The following PRKACB variants were observed in gnomAD, a reference collection of about 807,000 sequenced individuals.
PRKACB encodes the protein protein kinase cAMP-activated catalytic subunit beta, also known as cAMP-dependent protein kinase catalytic subunit beta.
Under a neutral mutation model 51.4 loss-of-function variants are expected in PRKACB, and 16 were observed. The observed-to-expected ratio is 0.31, with a 90% confidence interval of 0.21 to 0.47. The LOEUF is 0.47. PRKACB is among the 20% of genes least tolerant of loss of function. PRKACB has a pLI of 1.00. For synonymous variants in PRKACB, 147 were observed against 154.4 expected, an observed-to-expected ratio of 0.95 and a Z score of 0.35; for missense variants, 309 against 464.5, an observed-to-expected ratio of 0.67 and a Z score of 3.08.
chr1:84,161,593 T>G (rs549629676), intron 1 of PRKACB, among the ~76,000 whole-genome samples: 1 of 151,948 alleles, frequency 6.6e-6, no homozygotes, highest in East Asian at 1.9e-4. Context: ...GTTTTGATTT[T>G]TAAAAATAAA....
chr1:84,171,221 G>C (rs1425646165), intron 1 of PRKACB, among the ~76,000 whole-genome samples: 1 of 151,386 alleles, frequency 6.6e-6, no homozygotes, highest in East Asian at 1.9e-4. Flanking sequence ...TTAGGAAAAA[G>C]AAAGACATTC....
intron 1 of PRKACB, among the ~76,000 whole-genome samples, chr1:84,178,190 A>G (rs909704043): frequency 6.6e-6 from 1 of 152,032 alleles, no homozygotes; most frequent in Non-Finnish European, 1.5e-5. Context: ...ATAGGTACCT[A>G]TCTCACTTCA....
At chr1:84,124,307 G>A (rs189133389) in intron 1 of PRKACB, among the ~76,000 whole-genome samples, 101 of 152,318 alleles carry the variant, frequency 6.6e-4, no homozygotes, top group African/African-American at 2.3e-3. Context: ...GTAGGAATTA[G>A]CTAGGAGAAA....
chr1:84,202,571 A>G, intron 7 of PRKACB, 112 bp from the exon 8 acceptor site: 6 of 1,125,300 alleles, frequency 5.3e-6, no homozygotes, highest in Non-Finnish European at 7.4e-6. Flanking sequence ...CTGCTCAGCA[A>G]TTGCTTTAAA....
intron 1 of PRKACB, among the ~76,000 whole-genome samples, chr1:84,167,443 A>G (rs1657874464): frequency 6.6e-6 from 1 of 151,548 alleles, no homozygotes; most frequent in Non-Finnish European, 1.5e-5. Flanking sequence ...AGTCTTTATC[A>G]TAAAAATTTA....
chr1:84,176,792 T>C (rs1040948882), intron 1 of PRKACB, among the ~76,000 whole-genome samples: 4 of 151,962 alleles, frequency 2.6e-5, no homozygotes, highest in Admixed American at 1.3e-4. Context: ...TAAAAACTTT[T>C]CCCTACTTTT....
intron 9 of PRKACB, among the ~76,000 whole-genome samples, chr1:84,232,117 T>G (rs1382489780): frequency 6.6e-6 from 1 of 152,186 alleles, no homozygotes; most frequent in Non-Finnish European, 1.5e-5. Flanking sequence ...TCTGGTATGT[T>G]GTGTGTTTGC....
intron 1 of PRKACB, among the ~76,000 whole-genome samples, chr1:84,105,140 T>C (rs528376754): frequency 2.6e-5 from 4 of 152,258 alleles, no homozygotes; most frequent in Admixed American, 6.5e-5. Flanking sequence ...AACCAAAAGG[T>C]AAATAACCAA....
chr1:84,232,875 A>T (rs1675965965), intron 9 of PRKACB, among the ~76,000 whole-genome samples: 2 of 152,092 alleles, frequency 1.3e-5, no homozygotes, highest in South Asian at 4.1e-4. Context: ...CAATTTGCCA[A>T]GTCTGTGTCT....
rs747120345 is a variant in PRKACB, at chr1:84,202,811, T to G, written c.906+6T>G. On this transcript the variant is annotated splice_donor_region_variant and intron_variant, in intron 8 of 9. Transcript: ENST00000370685. The stretch of plus-strand genomic sequence containing the variant: ...AAAAGATTGTTTCTGGAAAGGTAAG[T>G]AAAACATTTTATTATTCCTCTCTTA... The G allele has an allele frequency of 1.3e-6, 2 of 1,591,310 alleles. No homozygotes were observed. The highest frequency in any genetic ancestry group is 1.3e-5 in the African/African-American group (1 of 74,214).
At chr1:84,177,680 T>G (rs1242333383) in intron 1 of PRKACB, among the ~76,000 whole-genome samples, 2 of 151,866 alleles carry the variant, frequency 1.3e-5, no homozygotes, top group Non-Finnish European at 2.9e-5. Flanking sequence ...AGTCTGAGGC[T>G]CTAGTGGACT....
rs1439987508 is a variant in PRKACB at position 84,235,200 on chromosome 1, A to G, written c.1092A>G (p.Pro364=). The G allele has an allele frequency of 1.9e-6, 3 of 1,613,788 alleles. No individual in the cohort carries two copies. The highest frequency in any genetic ancestry group is 3.3e-5 in the Admixed American group (2 of 59,972). The change falls in exon 10 of 10, where the codon CCA becomes CCG. Residue 364 remains proline, a synonymous_variant. Coordinates refer to ENST00000370685, the MANE Select transcript of PRKACB (RefSeq NM_182948.4). ...YQRKVEAPFI[P]KFRGSGDTSN... is the part of the protein sequence containing the mutation. ...TATAGGTTGAAGCTCCATTCATACC[A>G]AAGTTTAGAGGCTCTGGAGATACCA... is the stretch of plus-strand genomic sequence containing the variant.
intron 3 of PRKACB, among the ~76,000 whole-genome samples, chr1:84,183,546 A>T (rs1220338687): frequency 6.6e-6 from 1 of 151,696 alleles, no homozygotes; most frequent in Non-Finnish European, 1.5e-5. Context: ...CTTCATTTTT[A>T]ATTTTCTTAT....
At position 84,184,873 on chromosome 1, in the gene PRKACB, A is replaced by G. The variant is rs1476225886; in HGVS notation, c.478-227A>G. On this transcript the variant is annotated intron_variant, in intron 4 of 9. Coordinates refer to ENST00000370685, the MANE Select transcript of PRKACB (RefSeq NM_182948.4). ...TGAGAACTAGATGTTCTCTGCAAGAAAAGGAAGAGCAAAAGTCCCAGACTA... is the reference window on the plus strand; with the variant it reads ...TGAGAACTAGATGTTCTCTGCAAGAGAAGGAAGAGCAAAAGTCCCAGACTA... Among the ~76,000 whole-genome samples, 7 of 152,076 alleles carry G rather than the reference A, an allele frequency of 4.6e-5. No individual in the cohort carries two copies. In the South Asian group the frequency reaches 6.2e-4, roughly 14 times the overall value.
At chr1:84,140,267 G>C (rs1653274028), upstream of PRKACB, among the ~76,000 whole-genome samples, 1 of 152,050 alleles carries the variant, frequency 6.6e-6, no homozygotes, top group Non-Finnish European at 1.5e-5. Flanking sequence ...AACAGTAAAT[G>C]GATATATAAA....
At chr1:84,097,867 A>G (rs1557924619) in intron 1 of PRKACB, among the ~76,000 whole-genome samples, 1 of 152,112 alleles carries the variant, frequency 6.6e-6, no homozygotes, top group African/African-American at 2.4e-5. Context: ...AATACATTGG[A>G]TAATGCTCAT....
chr1:84,109,196 C>G (rs1650018013), intron 1 of PRKACB, among the ~76,000 whole-genome samples: 1 of 151,890 alleles, frequency 6.6e-6, no homozygotes, highest in Non-Finnish European at 1.5e-5. Flanking sequence ...GTAAATAATG[C>G]TACTATAAAC....
At chr1:84,181,502 A>G (rs1663456247) in intron 2 of PRKACB, among the ~76,000 whole-genome samples, 1 of 152,058 alleles carries the variant, frequency 6.6e-6, no homozygotes, top group African/African-American at 2.4e-5. Context: ...TTTCCTTATA[A>G]CAAAACATCT....
chr1:84,202,970 CTT>C (rs1207764922), intron 8 of PRKACB, among the ~76,000 whole-genome samples, 165 bp downstream of exon 8: 2 of 151,620 alleles, frequency 1.3e-5, no homozygotes, highest in African/African-American at 4.8e-5. Flanking sequence ...ATTTCAGTCT[CTT>C]AAGAAAAAAA....
Sources: gnomAD v4.1 joint callset for allele counts (sites outside exome capture counted in the v4.1 genomes callset) on GRCh38, gnomAD v4.1.1 for gene constraint, MANE v1.5 for transcripts, NCBI Gene and HGNC (gene_info 2026-07-23, HGNC 2026-07-21) for gene names.